The following ITGB5 variants were observed in gnomAD, a reference collection of about 807,000 sequenced individuals.
ITGB5 encodes the protein integrin beta-5.
ITGB5 carries 38 observed loss-of-function variants against 84.8 expected under a neutral mutation model. That is an observed-to-expected ratio of 0.45 (90% CI 0.35 to 0.59). ITGB5 has a LOEUF of 0.59. Ranked by LOEUF, ITGB5 falls within the 20% of genes least tolerant of loss-of-function variation. The pLI, the probability that ITGB5 is intolerant of heterozygous loss-of-function variation, is 0.01. For synonymous variants in ITGB5, 393 were observed against 414.4 expected (o/e 0.95, Z 0.63); for missense variants, 905 against 1,034.5 (o/e 0.87, Z 1.72).
intron 5 of ITGB5, among the ~76,000 whole-genome samples, chr3:124,828,535 G>T (rs1244628043): frequency 6.6e-6 from 1 of 152,172 alleles, no homozygotes; most frequent in Non-Finnish European, 1.5e-5. Context: ...AGGAAGAAAT[G>T]ATGATAAAGG....
chr3:124,784,282 G>A (rs1321249490), intron 10 of ITGB5, among the ~76,000 whole-genome samples: 1 of 152,196 alleles, frequency 6.6e-6, no homozygotes, highest in African/African-American at 2.4e-5. Context: ...GGAGGCTGAG[G>A]TGGGAGGATC....
At chr3:124,808,805 C>T (rs1322500896) in intron 9 of ITGB5, among the ~76,000 whole-genome samples, 1 of 152,182 alleles carries the variant, frequency 6.6e-6, no homozygotes, top group Non-Finnish European at 1.5e-5. Context: ...GGTAGCAATG[C>T]GCTGAGGGCT....
At chr3:124,894,622 G>A (rs1193309532) in intron 1 of ITGB5, 1 of 152,064 alleles carries the variant, frequency 6.6e-6, no homozygotes, top group Non-Finnish European at 1.5e-5. Context: ...TCTTTTCCTG[G>A]ATGTTTTCTC....
chr3:124,795,397 G>A (rs1450718777), intron 10 of ITGB5, among the ~76,000 whole-genome samples: 1 of 152,040 alleles, frequency 6.6e-6, no homozygotes. Context: ...TCTGAGGCAG[G>A]AGAATTGCTT....
intron 10 of ITGB5, among the ~76,000 whole-genome samples, chr3:124,781,504 A>G (rs2064004588): frequency 6.6e-6 from 1 of 152,062 alleles, no homozygotes; most frequent in South Asian, 2.1e-4. Context: ...AAAGTAAAGA[A>G]CAGAGATTTC....
At chr3:124,870,518 G>T (rs1359666660) in intron 2 of ITGB5, among the ~76,000 whole-genome samples, 1 of 152,164 alleles carries the variant, frequency 6.6e-6, no homozygotes, top group African/African-American at 2.4e-5. Context: ...CACGAGGTCA[G>T]GAGTTCAAGA....
rs746020296 is a variant in ITGB5 at position 124,764,588 on chromosome 3, C to G, written c.2138-31G>C. On this transcript the variant is annotated intron_variant, in intron 13 of 14. Coordinates refer to ENST00000296181, the MANE Select transcript of ITGB5 (RefSeq NM_002213.5). The stretch of plus-strand genomic sequence containing the variant: ...GGGACCAGAAGCATGGTAAGCAAAG[C>G]CACTAGCATCACCATGCCCCTCTCA... 12 of 1,584,710 alleles carry G rather than the reference C, an allele frequency of 7.6e-6. 1 individual carries two copies. The Admixed American group carries it at 2.0e-4, about 27-fold the overall frequency.
At chr3:124,879,608 C>A (rs1214090707) in intron 1 of ITGB5, among the ~76,000 whole-genome samples, 2 of 152,198 alleles carry the variant, frequency 1.3e-5, no homozygotes, top group African/African-American at 2.4e-5. Context: ...ACAATACCAG[C>A]CTTACAGATC....
At position 124,763,387 on chromosome 3, in the gene ITGB5, C is replaced by G. The variant is rs375230015; in HGVS notation, c.*236G>C. The stretch of plus-strand genomic sequence containing the variant: ...GGAAAGCTGAGAGCGCCAAGGTCCC[C>G]TTGCTTTATCCCAAGCTCGGAGGGA... On this transcript the variant is annotated 3_prime_UTR_variant, in exon 15 of 15. Coordinates refer to ENST00000296181, the MANE Select transcript of ITGB5 (RefSeq NM_002213.5). 6 of 362,700 alleles carry G rather than the reference C, an allele frequency of 1.7e-5. No individual in the cohort carries two copies. Among genetic ancestry groups the G allele is most frequent in the Non-Finnish European group, 2.0e-5 (4 of 197,804 alleles). 22.5% of individuals were successfully genotyped at this position (362,700 alleles called of 1,614,324 possible).
intron 1 of ITGB5, among the ~76,000 whole-genome samples, chr3:124,882,445 G>A (rs1275287572): frequency 6.6e-6 from 1 of 152,212 alleles, no homozygotes; most frequent in East Asian, 1.9e-4. Flanking sequence ...TTGCAGGGTG[G>A]AGGAAGCCGG....
chr3:124,873,277 C>T (rs1333658541), intron 2 of ITGB5, among the ~76,000 whole-genome samples, 169 bp downstream of exon 2: 1 of 152,204 alleles, frequency 6.6e-6, no homozygotes, highest in Non-Finnish European at 1.5e-5. Flanking sequence ...CTTATTGTCT[C>T]ATAAACTTGG....
At chr3:124,846,276 G>A (rs914341517) in intron 4 of ITGB5, among the ~76,000 whole-genome samples, 10 of 152,044 alleles carry the variant, frequency 6.6e-5, no homozygotes, top group African/African-American at 2.4e-4. Flanking sequence ...GAGGGCTCAG[G>A]GATTTAAGAA....
chr3:124,869,837 G>A (rs1014349425), intron 2 of ITGB5, among the ~76,000 whole-genome samples: 7 of 152,304 alleles, frequency 4.6e-5, no homozygotes, highest in Non-Finnish European at 8.8e-5. Flanking sequence ...GCATCAGGAA[G>A]TCTGACTTGT....
At chr3:124,849,284 A>G (rs1357930281) in intron 3 of ITGB5, among the ~76,000 whole-genome samples, 1 of 152,204 alleles carries the variant, frequency 6.6e-6, no homozygotes, top group Non-Finnish European at 1.5e-5. Context: ...TTTGAAACAA[A>G]AAGCAGGGAA....
intron 14 of ITGB5, among the ~76,000 whole-genome samples, chr3:124,764,188 C>T (rs1028260455): frequency 1.3e-5 from 2 of 152,226 alleles, no homozygotes; most frequent in African/African-American, 4.8e-5. Flanking sequence ...TGACCTGGGT[C>T]TGGAACAGGG....
chr3:124,787,263 T>C (rs1048460542), intron 10 of ITGB5, among the ~76,000 whole-genome samples: 1 of 152,174 alleles, frequency 6.6e-6, no homozygotes, highest in Non-Finnish European at 1.5e-5. Context: ...AGGTGAATTG[T>C]TGCTTAAGAT....
intron 9 of ITGB5, among the ~76,000 whole-genome samples, chr3:124,797,144 C>T (rs1273218281): frequency 1.3e-5 from 2 of 152,140 alleles, no homozygotes; most frequent in Non-Finnish European, 2.9e-5. Context: ...TTCTTATTCT[C>T]CCTTTCTTTT....
At chr3:124,815,994 T>C (rs1204769432) in intron 8 of ITGB5, among the ~76,000 whole-genome samples, 2 of 152,170 alleles carry the variant, frequency 1.3e-5, no homozygotes, top group African/African-American at 4.8e-5. Context: ...GATGTTAGTA[T>C]GTGGGCAATG....
chr3:124,898,426 G>A (rs190257310), intron 1 of ITGB5, among the ~76,000 whole-genome samples: 6,143 of 144,942 alleles, frequency 0.042, 291 homozygotes, highest in East Asian at 0.12. Context: ...GGCGGATCAC[G>A]ACGTCAGGAG....
Sources: gnomAD v4.1 joint callset for allele counts (sites outside exome capture counted in the v4.1 genomes callset) on GRCh38, gnomAD v4.1.1 for gene constraint, MANE v1.5 for transcripts, NCBI Gene and HGNC (gene_info 2026-07-23, HGNC 2026-07-21) for gene names.